GNAS: variants seen among roughly 807,000 people sequenced by gnomAD.
GNAS encodes protein ALEX.
A neutral mutation model predicts 54.5 loss-of-function variants in GNAS; 8 were observed. The ratio of observed to expected loss-of-function variants is 0.15; its 90% CI spans 0.09 to 0.26. GNAS has a LOEUF of 0.26. Among genes scored for constraint, GNAS ranks in the 10% least tolerant of loss-of-function variants. GNAS has a pLI of 1.00. For synonymous variants in GNAS, 204 were observed against 191.4 expected, an observed-to-expected ratio of 1.07 and a Z score of -0.54; for missense variants, 170 against 529.8, an observed-to-expected ratio of 0.32 and a Z score of 6.67.
chr20:58,852,733 G>A (rs1305572068), intron 1 of GNAS: 1 of 210,752 alleles, frequency 4.7e-6, no homozygotes, highest in Admixed American at 5.9e-5. Context: ...AAATCAGTCA[G>A]GGAGAGGAGT....
At chr20:58,858,771 CTTTT>C (rs1213104833) in intron 1 of GNAS, among the ~76,000 whole-genome samples, 2 of 152,060 alleles carry the variant, frequency 1.3e-5, no homozygotes, top group Non-Finnish European at 2.9e-5. Flanking sequence ...GCAGAAGCAC[CTTTT>C]TATTTTTCTT....
rs2146287639 is a variant in GNAS, at chr20:58,909,886, G to A, written c.840-65G>A. 1 of 1,612,900 alleles carries A rather than the reference G, an allele frequency of 6.2e-7. No homozygotes were observed. The highest frequency in any genetic ancestry group is 8.5e-7 in the Non-Finnish European group (1 of 1,179,494). ...GTTTATAGAGAAGAACCCCGTGCAA[G>A]CATTCCAGACCCCTGGCCGAAAGCG... On this transcript the variant is annotated intron_variant, in intron 10 of 12. Transcript: ENST00000371085. The surrounding 1 kb of genome is among the most constrained non-coding windows in gnomAD (Gnocchi z 7.3).
intron 1 of GNAS, among the ~76,000 whole-genome samples, chr20:58,882,227 C>T (rs1057439255): frequency 6.6e-6 from 1 of 152,222 alleles, no homozygotes; most frequent in African/African-American, 2.4e-5. Flanking sequence ...CGCCACTGCG[C>T]CCGGCTAATT....
At chr20:58,870,178 T>A (rs762166547) in intron 1 of GNAS, among the ~76,000 whole-genome samples, 1 of 152,240 alleles carries the variant, frequency 6.6e-6, no homozygotes, top group Non-Finnish European at 1.5e-5. Flanking sequence ...TTAAAGAAAC[T>A]GAATACACAG....
chr20:58,889,756 C>T (rs1373837586), upstream of GNAS, among the ~76,000 whole-genome samples: 1 of 149,588 alleles, frequency 6.7e-6, no homozygotes, highest in Non-Finnish European at 1.5e-5. Context: ...CCCGGGGCAG[C>T]GCGGCGGGAA....
chr20:58,862,054 C>T (rs2145632166), intron 1 of GNAS, among the ~76,000 whole-genome samples: 1 of 152,142 alleles, frequency 6.6e-6, no homozygotes, highest in East Asian at 1.9e-4. Context: ...GAAGCAGTTA[C>T]AATTTGAGAA....
Position 58,863,661 on chromosome 20 carries a change from G to A in GNAS, c.43+22775G>A, listed in dbSNP as rs2086889493. ...CAAGCTCAGTGTCACCACTGAGTGA[G>A]CATCGATTCTTACAAGGAAATTAAG... is the stretch of plus-strand genomic sequence containing the variant. On this transcript the variant is annotated intron_variant, in intron 1 of 12. Coordinates refer to the GNAS transcript ENST00000306090. The surrounding 1 kb of genome is among the most constrained non-coding windows in gnomAD (Gnocchi z 4.1). The A allele has an allele frequency of 6.6e-6, 1 of 152,308 alleles. No individual in the cohort carries two copies. The highest frequency in any genetic ancestry group is 2.1e-4 in the South Asian group (1 of 4,828). The allele number at this position is 152,308 out of a possible 1,614,324, so 9.4% of individuals were successfully genotyped here.
chr20:58,852,386 C>A (rs2145552303), intron 1 of GNAS, among the ~76,000 whole-genome samples: 1 of 152,356 alleles, frequency 6.6e-6, no homozygotes, highest in East Asian at 1.9e-4. Context: ...TCCCCTCTCC[C>A]TCGCCTCTCT....
intron 1 of GNAS, among the ~76,000 whole-genome samples, chr20:58,865,462 C>A: frequency 6.8e-6 from 1 of 146,598 alleles, no homozygotes; most frequent in African/African-American, 2.5e-5. Context: ...ATATATATAT[C>A]ATATATAATA....
chr20:58,878,663 G>C (rs2088000332), intron 1 of GNAS, among the ~76,000 whole-genome samples: 1 of 152,126 alleles, frequency 6.6e-6, no homozygotes. Flanking sequence ...GATTCTGCCT[G>C]CTACAGAGAT....
intron 1 of GNAS, among the ~76,000 whole-genome samples, chr20:58,869,168 G>A (rs368813163): frequency 4.6e-5 from 7 of 152,154 alleles, no homozygotes; most frequent in Admixed American, 3.9e-4. Context: ...CTGGTGCCCC[G>A]GTTCTCCTGG....
intron 3 of GNAS, chr20:58,900,537 G>C (rs2090512341): frequency 5.5e-6 from 1 of 180,844 alleles, no homozygotes; most frequent in African/African-American, 2.4e-5. Context: ...CGGGGGGAGG[G>C]GAGGAGCTCT....
upstream of GNAS, among the ~76,000 whole-genome samples, chr20:58,891,040 G>T (rs943838784): frequency 1.3e-5 from 2 of 151,080 alleles, no homozygotes; most frequent in African/African-American, 4.8e-5. Context: ...TCCGGGGGGT[G>T]GAGCGTTGGC....
Position 58,895,361 on chromosome 20 carries a change from AAAATT to A in GNAS, c.140-247_140-243del, listed in dbSNP as rs148549965. The A allele has an allele frequency of 7.3e-3, 3,634 of 495,296 alleles. 98 individuals are homozygous for A. Among genetic ancestry groups the A allele is most frequent in the African/African-American group, 0.061 (3,141 of 51,734 alleles). The allele number at this position is 495,296 out of a possible 1,614,324, so 30.7% of individuals were successfully genotyped here. On this transcript the variant is annotated intron_variant, in intron 1 of 12. Transcript: ENST00000371085. ...CACAATTTTTTAAACAATCAAAAGA[AAAATT>A]AAAACCAGCAAACCTTAAATTCTTG...
Position 58,909,840 on chromosome 20 carries a change from C to T in GNAS, c.839+36C>T. 6.2e-7 allele frequency: 1 copy of T among 1,612,876 alleles called. No individual in the cohort carries two copies. The highest frequency in any genetic ancestry group is 8.5e-7 in the Non-Finnish European group (1 of 1,179,928). ...TGACCGCCCACCCCCTGCGCTTGCC[C>T]AGGAGGCCCTGGTCTGCACTGTTTA... On this transcript the variant is annotated intron_variant, in intron 10 of 12. Transcript: ENST00000371085. This position sits in a 1 kb window ranked among gnomAD's most constrained non-coding sequence, Gnocchi z 7.3.
At chr20:58,902,785 G>A (rs2090747722) in intron 3 of GNAS, among the ~76,000 whole-genome samples, 1 of 130,472 alleles carries the variant, frequency 7.7e-6, no homozygotes, top group Non-Finnish European at 1.5e-5. Flanking sequence ...TGGCTGGAGT[G>A]CAGTGGTGCC....
intron 1 of GNAS, chr20:58,842,360 T>A: frequency 2.5e-6 from 1 of 397,954 alleles, no homozygotes; most frequent in Non-Finnish European, 4.4e-6. Context: ...TAGTAAAGCG[T>A]TTTGAGGGCT....
At chr20:58,885,032 CAT>C (rs2088493636) in intron 1 of GNAS, 1 of 152,244 alleles carries the variant, frequency 6.6e-6, no homozygotes, top group Admixed American at 6.5e-5. Context: ...TGAAGGGTAA[CAT>C]GTGCATCATA....
chr20:58,882,775 A>G (rs1408676866), intron 1 of GNAS: 1 of 152,184 alleles, frequency 6.6e-6, no homozygotes, highest in Non-Finnish European at 1.5e-5. Flanking sequence ...CCCCTTCCCA[A>G]GTCTGTCTTT....
Sources: allele counts gnomAD v4.1 joint callset (sites outside exome capture counted in the v4.1 genomes callset), GRCh38; gene constraint gnomAD v4.1.1; non-coding constraint Gnocchi (gnomAD v3.1); transcripts MANE v1.5; gene names NCBI Gene and HGNC (gene_info 2026-07-23, HGNC 2026-07-21).